Variants in PCBP3 observed in about 807,000 individuals in gnomAD.
PCBP3 encodes the protein poly(rC)-binding protein 3.
In PCBP3, 25 loss-of-function variants were observed where a neutral mutation model predicts 52.7. The observed-to-expected ratio is 0.47, with a 90% CI of 0.35 to 0.66. PCBP3 has a LOEUF of 0.66. Ranked by LOEUF, PCBP3 falls within the 30% of genes least tolerant of loss-of-function variation. The pLI is 0.01. For synonymous variants in PCBP3, 162 were observed against 183.0 expected (o/e 0.89, Z 0.93); for missense variants, 391 against 490.3 (o/e 0.80, Z 1.91).
At chr21:45,769,508 C>T (rs2089672702) in intron 4 of PCBP3, among the ~76,000 whole-genome samples, 1 of 152,272 alleles carries the variant, frequency 6.6e-6, no homozygotes, top group African/African-American at 2.4e-5. Context: ...TGGGCGGCCC[C>T]TACTGTGCTT....
At chr21:45,646,107 C>CTCTGTGTGTG (rs1555895746) in intron 1 of PCBP3, among the ~76,000 whole-genome samples, 988 of 83,784 alleles carry the variant, frequency 0.012, 11 homozygotes, top group Admixed American at 0.027. Context: ...CTCTCTCTCT[C>CTCTGTGTGTG]TGTGTGTGTG....
At position 45,661,047 on chromosome 21, in the gene PCBP3, A is replaced by AT. The variant is rs1555898971; in HGVS notation, c.-278-7827_-278-7826insT. Among the ~76,000 whole-genome samples the AT allele has an allele frequency of 4.6e-5, 7 of 151,654 alleles. No individual in the cohort carries two copies. The South Asian group carries it at 6.3e-4, about 14-fold the overall frequency. On this transcript the variant is annotated intron_variant, in intron 1 of 17. Transcript: ENST00000681687. The stretch of plus-strand genomic sequence containing the variant: ...CAAAGGAAAACTCCATCTCAAAAAA[A>AT]ATATATATATATATCTTGTACATTC...
At chr21:45,764,411 C>G (rs755585081) in intron 4 of PCBP3, among the ~76,000 whole-genome samples, 1 of 152,232 alleles carries the variant, frequency 6.6e-6, no homozygotes, top group Non-Finnish European at 1.5e-5. Context: ...CGTGAGCCAC[C>G]GTGGTCGGCC....
chr21:45,899,594 T>C lies in PCBP3; in HGVS notation c.166-5T>C. 1 of 1,609,998 alleles carries C rather than the reference T, an allele frequency of 6.2e-7. No individual in the cohort carries two copies. The highest frequency in any genetic ancestry group is 2.2e-5 in the East Asian group (1 of 44,864). Reference sequence around the variant, plus strand: ...CATCTTTCTGTGATTTTTTTTTTCTTGCAGGAAGTTGGAAGCATCATCGGG... The same window carrying C: ...CATCTTTCTGTGATTTTTTTTTTCTCGCAGGAAGTTGGAAGCATCATCGGG... On this transcript the variant is annotated splice_region_variant and splice_polypyrimidine_tract_variant and intron_variant, in intron 6 of 17. Transcript: ENST00000681687.
In PCBP3 at chr21:45,704,733, G is replaced by A. The variant is rs2148030480; in HGVS notation, c.-199-30659G>A. On this transcript the variant is annotated intron_variant, in intron 2 of 17. Transcript: ENST00000681687. The surrounding 1 kb of genome is among the most constrained non-coding windows in gnomAD (Gnocchi z 4.1). ...CTTCCTGACCTCTGGAAGAACAGAA[G>A]TTGCTGCTGGCAGAGTTCCAAAACA... Among the ~76,000 whole-genome samples the A allele has an allele frequency of 6.6e-6, 1 of 152,362 alleles. No individual in the cohort carries two copies. The highest frequency in any genetic ancestry group is 6.5e-5 in the Admixed American group (1 of 15,304).
At chr21:45,909,314 C>T (rs374320839) in intron 9 of PCBP3, 41 bp from the exon 10 acceptor site, 86 of 1,592,756 alleles carry the variant, frequency 5.4e-5, no homozygotes, top group Middle Eastern at 1.7e-4. Context: ...TCTCACTGCA[C>T]GACGCCTGAA....
intron 2 of PCBP3, among the ~76,000 whole-genome samples, chr21:45,684,886 G>A (rs2082061904): frequency 1.3e-5 from 2 of 152,156 alleles, no homozygotes; most frequent in African/African-American, 2.4e-5. Flanking sequence ...TCCATTCTTA[G>A]TGTTTATAGT....
In PCBP3 at chr21:45,736,476, G is replaced by A. The variant is rs574024204; in HGVS notation, c.-162+1047G>A. On this transcript the variant is annotated intron_variant, in intron 3 of 17. Coordinates refer to ENST00000681687, the MANE Select transcript of PCBP3 (RefSeq NM_001384156.1). This position sits in a 1 kb window ranked among gnomAD's most constrained non-coding sequence, Gnocchi z 4.6. Reference sequence around the variant, plus strand: ...TGCATCCTGAGGAGACAGTGCTGCGGGCCCCGCCTACTAACTTCCAGAGAT... The same window carrying A: ...TGCATCCTGAGGAGACAGTGCTGCGAGCCCCGCCTACTAACTTCCAGAGAT... 3.3e-5 allele frequency among the ~76,000 whole-genome samples: 5 copies of A among 152,282 alleles called. No homozygotes were observed. In the East Asian group the frequency reaches 9.7e-4, roughly 29 times the overall value.
At chr21:45,730,858 T>G (rs987945862) in intron 2 of PCBP3, among the ~76,000 whole-genome samples, 2 of 152,268 alleles carry the variant, frequency 1.3e-5, no homozygotes, top group Middle Eastern at 6.8e-3. Flanking sequence ...CTTTTTTTTA[T>G]TAGAGTTAAC....
intron 13 of PCBP3, among the ~76,000 whole-genome samples, chr21:45,926,198 C>T (rs2075380690): frequency 6.6e-6 from 1 of 152,188 alleles, no homozygotes; most frequent in Non-Finnish European, 1.5e-5. Context: ...ATTCCTGTTG[C>T]CTGGTGACCT....
At chr21:45,804,124 C>T (rs748981869) in intron 4 of PCBP3, among the ~76,000 whole-genome samples, 19 of 152,192 alleles carry the variant, frequency 1.2e-4, no homozygotes, top group African/African-American at 2.4e-5. Flanking sequence ...GCCGCGCCTC[C>T]CTCTCTGCTG....
At chr21:45,926,225 T>C (rs976376722) in intron 13 of PCBP3, among the ~76,000 whole-genome samples, 1 of 152,166 alleles carries the variant, frequency 6.6e-6, no homozygotes, top group Non-Finnish European at 1.5e-5. Context: ...TGACCTGAGG[T>C]TGCAGTGCAG....
chr21:45,889,519 C>T (rs552785556), intron 5 of PCBP3, among the ~76,000 whole-genome samples: 1 of 152,338 alleles, frequency 6.6e-6, no homozygotes, highest in African/African-American at 2.4e-5. Flanking sequence ...GTGTGGTTGC[C>T]TGGCACCCCT....
intron 5 of PCBP3, among the ~76,000 whole-genome samples, chr21:45,854,929 C>T (rs1376654542): frequency 6.6e-6 from 1 of 152,212 alleles, no homozygotes; most frequent in Non-Finnish European, 1.5e-5. Flanking sequence ...AACTTACGAT[C>T]TCTCCTGCCT....
intron 1 of PCBP3, among the ~76,000 whole-genome samples, chr21:45,662,570 A>G (rs1569089338): frequency 6.6e-6 from 1 of 152,018 alleles, no homozygotes; most frequent in Non-Finnish European, 1.5e-5. Context: ...TAAAATAACA[A>G]GAGTTATACT....
intron 14 of PCBP3, among the ~76,000 whole-genome samples, chr21:45,930,507 G>A (rs1198328635): frequency 6.6e-6 from 1 of 152,186 alleles, no homozygotes; most frequent in Non-Finnish European, 1.5e-5. Context: ...GCCATCAAGG[G>A]TGGCCATCCG....
rs779199467 is a variant in PCBP3 at position 45,910,960 on chromosome 21, C to T, written c.530C>T (p.Ala177Val). 3 of 1,611,848 alleles carry T rather than the reference C, an allele frequency of 1.9e-6. No homozygotes were observed. Among genetic ancestry groups the T allele is most frequent in the Non-Finnish European group, 2.5e-6 (3 of 1,179,738 alleles). Residue 177 changes from alanine (A) to valine (V), a missense_variant, in exon 11 of 18, where the codon GCG becomes GTG. By Grantham distance (64) the Ala-to-Val change is moderately conservative. Transcript: ENST00000681687. ...ATGCTGCCCAACTCCACGGAGCGAG[C>T]GGTGACCATCTCGGGGACCCCAGAT... ...GDMLPNSTERAVTISGTPDAI... is the reference protein window; with the variant it reads ...GDMLPNSTERVVTISGTPDAI...
intron 2 of PCBP3, among the ~76,000 whole-genome samples, chr21:45,706,441 C>T (rs971786826): frequency 2.6e-5 from 4 of 151,990 alleles, no homozygotes; most frequent in African/African-American, 4.8e-5. Context: ...TTCTCCTTTC[C>T]CTCCCTCTGC....
chr21:45,931,601 G>C (rs572864151), intron 15 of PCBP3, among the ~76,000 whole-genome samples: 1 of 145,492 alleles, frequency 6.9e-6, no homozygotes, highest in African/African-American at 2.8e-5. Context: ...CTGGAATGTC[G>C]TCATCTTCAT....
Sources: gnomAD v4.1 joint callset for allele counts (sites outside exome capture counted in the v4.1 genomes callset) on GRCh38, gnomAD v4.1.1 for gene constraint, Gnocchi (gnomAD v3.1) non-coding constraint, MANE v1.5 for transcripts, NCBI Gene and HGNC (gene_info 2026-07-23, HGNC 2026-07-21) for gene names.